The following ERBB4 variants were observed in gnomAD, a reference collection of about 807,000 sequenced individuals.
ERBB4 encodes erb-b2 receptor tyrosine kinase 4.
Under a neutral mutation model 158.0 loss-of-function variants are expected in ERBB4, and 42 were observed. The observed-to-expected ratio is 0.27, with a 90% CI of 0.21 to 0.34. The LOEUF is 0.34. Among genes scored for constraint, ERBB4 ranks in the 10% least tolerant of loss-of-function variants. ERBB4 has a pLI of 1.00. For missense variants in ERBB4, 1,333 were observed against 1,624.1 expected (o/e 0.82, Z 3.08); for synonymous variants, 583 against 558.7 (o/e 1.04, Z -0.61).
intron 20 of ERBB4, among the ~76,000 whole-genome samples, chr2:211,480,802 A>G (rs1417869139): frequency 4.6e-5 from 7 of 152,174 alleles, no homozygotes; most frequent in South Asian, 2.1e-4. Context: ...TCCTAAATTT[A>G]TTCCTCTTTT....
At chr2:211,808,141 T>G (rs2076662621) in intron 3 of ERBB4, among the ~76,000 whole-genome samples, 2 of 152,206 alleles carry the variant, frequency 1.3e-5, no homozygotes, top group African/African-American at 4.8e-5. Flanking sequence ...TTAGATCCCA[T>G]TTGTCAATTT....
At position 212,498,100 on chromosome 2, in the gene ERBB4, G is replaced by A. The variant is rs571005475; in HGVS notation, c.82+40349C>T. Reference sequence around the variant, plus strand: ...AGGGAAACAAAAGCCTTTCTATTGTGTGTGTGTGCATATCTATGTGTGTGT... The same window carrying A: ...AGGGAAACAAAAGCCTTTCTATTGTATGTGTGTGCATATCTATGTGTGTGT... On this transcript the variant is annotated intron_variant, in intron 1 of 27. Coordinates refer to ENST00000342788, the MANE Select transcript of ERBB4 (RefSeq NM_005235.3). Among the ~76,000 whole-genome samples, 10 of 150,994 alleles carry A rather than the reference G, an allele frequency of 6.6e-5. No individual in the cohort carries two copies. In the East Asian group the frequency reaches 1.7e-3, roughly 26 times the overall value.
chr2:211,872,599 AT>A (rs2078380983), intron 3 of ERBB4, among the ~76,000 whole-genome samples: 1 of 152,162 alleles, frequency 6.6e-6, no homozygotes, highest in South Asian at 2.1e-4. Flanking sequence ...ATGCTAGAAT[AT>A]GTTAAACATC....
Position 211,947,453 on chromosome 2 carries a change from T to G in ERBB4, c.398A>C (p.Glu133Ala). 6.2e-7 allele frequency: 1 copy of G among 1,613,764 alleles called. No individual in the cohort carries two copies. Among genetic ancestry groups the G allele is most frequent in the Non-Finnish European group, 8.5e-7 (1 of 1,179,784 alleles). Reference sequence around the variant, plus strand: ...ACCTGTCAAGTTCTTTAATCCAAGTTCTTGAAGTCCAAAGTTTCCATCTTT... The same window carrying G: ...ACCTGTCAAGTTCTTTAATCCAAGTGCTTGAAGTCCAAAGTTTCCATCTTT... ...YRKDGNFGLQ[E>A]LGLKNLTEIL... The change falls in exon 3 of 28, where the codon GAA becomes GCA. Residue 133 changes from glutamate to alanine, a missense_variant. Transcript: ENST00000342788.
chr2:212,147,526 C>T (rs541420255), intron 1 of ERBB4, among the ~76,000 whole-genome samples: 19 of 151,922 alleles, frequency 1.3e-4, no homozygotes, highest in Non-Finnish European at 2.5e-4. Flanking sequence ...TATCCTAAAG[C>T]ACACAGGATA....
rs112035951 is a variant in ERBB4 at position 212,318,873 on chromosome 2, A to T, written c.83-193970T>A. ...ATGAAGGAGACAGAGAAGGTGAAAGATTTTCACAGCATTACTGGCCAATGG... is the reference window on the plus strand; with the variant it reads ...ATGAAGGAGACAGAGAAGGTGAAAGTTTTTCACAGCATTACTGGCCAATGG... On this transcript the variant is annotated intron_variant, in intron 1 of 27. Coordinates refer to ENST00000342788, the MANE Select transcript of ERBB4 (RefSeq NM_005235.3). Among the ~76,000 whole-genome samples, 794 of 151,720 alleles carry T rather than the reference A, an allele frequency of 5.2e-3. 4 individuals are homozygous for T. Among genetic ancestry groups the T allele is most frequent in the Middle Eastern group, 0.017 (5 of 294 alleles).
At chr2:212,358,157 A>C (rs1246476010) in intron 1 of ERBB4, among the ~76,000 whole-genome samples, 1 of 151,850 alleles carries the variant, frequency 6.6e-6, no homozygotes, top group Non-Finnish European at 1.5e-5. Context: ...ACATGAATAC[A>C]TTTTTTTAAA....
intron 25 of ERBB4, among the ~76,000 whole-genome samples, chr2:211,415,250 G>A (rs557435483): frequency 1.0e-3 from 158 of 151,436 alleles, no homozygotes; most frequent in African/African-American, 3.6e-3. Flanking sequence ...CCGAGTAGCC[G>A]GGACCACAGG....
At chr2:211,968,346 A>G (rs10497957) in intron 2 of ERBB4, among the ~76,000 whole-genome samples, 23,031 of 152,064 alleles carry the variant, frequency 0.15, 1,766 homozygotes, top group African/African-American at 0.17. Flanking sequence ...GCATCATTTC[A>G]AGAATTGCTT....
chr2:212,500,782 C>T (rs919023153), intron 1 of ERBB4, among the ~76,000 whole-genome samples: 18 of 151,974 alleles, frequency 1.2e-4, no homozygotes, highest in African/African-American at 4.1e-4. Context: ...TCACATACTA[C>T]TACACATTTA....
chr2:211,602,211 A>T (rs896570172), intron 19 of ERBB4, among the ~76,000 whole-genome samples: 26 of 152,072 alleles, frequency 1.7e-4, no homozygotes, highest in African/African-American at 5.8e-4. Context: ...CTCCGACCTT[A>T]AAGTCTTGGC....
chr2:211,451,367 A>G (rs963106953), intron 20 of ERBB4, among the ~76,000 whole-genome samples: 1 of 152,200 alleles, frequency 6.6e-6, no homozygotes, highest in Admixed American at 6.5e-5. Flanking sequence ...GAAATTGGAG[A>G]TGAAAAAGGA....
chr2:212,419,196 G>T (rs1352741970), intron 1 of ERBB4, among the ~76,000 whole-genome samples: 1 of 151,334 alleles, frequency 6.6e-6, no homozygotes, highest in African/African-American at 2.4e-5. Context: ...TGAACTGAAC[G>T]TTCAAAATTA....
rs573427041 is a variant in ERBB4 at position 212,268,174 on chromosome 2, G to C, written c.83-143271C>G. Among the ~76,000 whole-genome samples the C allele has an allele frequency of 5.9e-5, 9 of 152,006 alleles. 1 individual carries two copies. In the East Asian group the frequency reaches 1.8e-3, roughly 30 times the overall value. ...GAGCAGAAAAGTTTGCCTGGGGTTA[G>C]CATGTGGCCAAGATATTTCACTGCA... On this transcript the variant is annotated intron_variant, in intron 1 of 27. Coordinates refer to ENST00000342788, the MANE Select transcript of ERBB4 (RefSeq NM_005235.3).
chr2:212,186,011 G>A (rs1025530763), intron 1 of ERBB4, among the ~76,000 whole-genome samples: 5 of 152,040 alleles, frequency 3.3e-5, no homozygotes, highest in Non-Finnish European at 5.9e-5. Context: ...AAACAGCTAC[G>A]TTAGCATTGA....
chr2:211,984,526 C>T (rs2125238372), intron 2 of ERBB4, among the ~76,000 whole-genome samples: 1 of 152,180 alleles, frequency 6.6e-6, no homozygotes, highest in African/African-American at 2.4e-5. Flanking sequence ...GTCATGTGTA[C>T]ATGTGCCCGT....
chr2:211,515,429 T>C (rs888314839), intron 20 of ERBB4, among the ~76,000 whole-genome samples: 8 of 152,120 alleles, frequency 5.3e-5, no homozygotes, highest in Non-Finnish European at 4.4e-5. Context: ...GAAGTTTTAA[T>C]CAGAAATCTT....
At chr2:212,205,317 C>G (rs1295483899) in intron 1 of ERBB4, among the ~76,000 whole-genome samples, 2 of 152,266 alleles carry the variant, frequency 1.3e-5, no homozygotes, top group East Asian at 1.9e-4. Context: ...CGTGCCACCA[C>G]GCCAGCCAAT....
chr2:211,625,055 A>T (rs968402297), intron 17 of ERBB4, among the ~76,000 whole-genome samples: 1 of 151,992 alleles, frequency 6.6e-6, no homozygotes, highest in Non-Finnish European at 1.5e-5. Flanking sequence ...ATGCGTGCCA[A>T]TCACTGGCAT....
Sources: gnomAD v4.1 joint callset for allele counts (sites outside exome capture counted in the v4.1 genomes callset) on GRCh38, gnomAD v4.1.1 for gene constraint, MANE v1.5 for transcripts, NCBI Gene and HGNC (gene_info 2026-07-23, HGNC 2026-07-21) for gene names.